The following GRIK3 variants were observed in gnomAD, a reference collection of about 807,000 sequenced individuals.
GRIK3 encodes glutamate ionotropic receptor kainate type subunit 3, also known as glutamate receptor ionotropic, kainate 3.
Under a neutral mutation model 102.5 loss-of-function variants are expected in GRIK3, and 29 were observed. That is an observed-to-expected ratio of 0.28 (90% CI 0.21 to 0.39). The LOEUF is 0.39. GRIK3 is among the 10% of genes least tolerant of loss of function. The pLI is 1.00. For synonymous variants in GRIK3, 511 were observed against 504.9 expected (o/e 1.01, Z -0.16); for missense variants, 908 against 1,252.4 (o/e 0.73, Z 4.15).
intron 3 of GRIK3, among the ~76,000 whole-genome samples, chr1:36,874,649 C>A (rs917473363): frequency 1.3e-5 from 2 of 152,150 alleles, no homozygotes; most frequent in African/African-American, 4.8e-5. Context: ...TATCTGTTAC[C>A]CCGTGAGGTC....
In GRIK3 at chr1:36,904,429, A is replaced by G. The variant is rs1557719974; in HGVS notation, c.116-13333T>C. ...AAGTTCTGCAGTGAACATGTGTTAC[A>G]TTTCTCATCAGAAAAGCCATCGTGA... On this transcript the variant is annotated intron_variant, in intron 1 of 15. Transcript: ENST00000373091. Among the ~76,000 whole-genome samples the G allele has an allele frequency of 2.6e-5, 4 of 152,324 alleles. No individual in the cohort carries two copies. The South Asian group carries it at 6.2e-4, about 24-fold the overall frequency.
In GRIK3 at chr1:36,806,145, C is replaced by T. The variant is rs777494230; in HGVS notation, c.2273G>A (p.Gly758Asp). 24 of 1,613,884 alleles carry T rather than the reference C, an allele frequency of 1.5e-5. No individual in the cohort carries two copies. The highest frequency in any genetic ancestry group is 9.3e-5 in the African/African-American group (7 of 74,898). The change falls in exon 14 of 16, where the codon GGC becomes GAC. Residue 758 changes from glycine (G) to aspartate (D), a missense_variant. This residue lies in a region of GRIK3 where 297 missense variants were observed against 362.7 expected (regional missense o/e 0.82). Transcript: ENST00000373091. The surrounding 1 kb of genome is among the most constrained non-coding windows in gnomAD (Gnocchi z 4.0). ...QRNCNLTQIG[G>D]LIDSKGYGIG... Reference sequence around the variant, plus strand: ...GCCGTAGCCCTTGGAGTCAATGAGGCCCCCGATCTGGGTGAGGTTGCAGTT... The same window carrying T: ...GCCGTAGCCCTTGGAGTCAATGAGGTCCCCGATCTGGGTGAGGTTGCAGTT...
chr1:36,861,390 C>T (rs1640723650), intron 5 of GRIK3, among the ~76,000 whole-genome samples: 1 of 152,208 alleles, frequency 6.6e-6, no homozygotes, highest in Non-Finnish European at 1.5e-5. Context: ...AGCTGCCCTC[C>T]TTCTGGCCCC....
At chr1:36,912,156 G>A (rs1054099666) in intron 1 of GRIK3, among the ~76,000 whole-genome samples, 7 of 152,052 alleles carry the variant, frequency 4.6e-5, no homozygotes, top group African/African-American at 1.7e-4. Context: ...CCTGGGTCAC[G>A]CTTTTCTCTT....
In GRIK3 at chr1:36,796,332, G is replaced by A. The variant is rs998461895; in HGVS notation, c.*5519C>T. 3 of 152,312 alleles carry A rather than the reference G, an allele frequency of 2.0e-5. No homozygotes were observed. Among genetic ancestry groups the A allele is most frequent in the African/African-American group, 7.2e-5 (3 of 41,458 alleles). 9.4% of individuals were successfully genotyped at this position (152,312 alleles called of 1,614,324 possible). A position where few individuals can be genotyped will look rare whatever the true frequency, so the allele number is the denominator to read the frequency against. Reference sequence around the variant, plus strand: ...GGATGCCGCAGGGGAGAGAAAGGCAGACAGATGGAGCCTGGGCTGTGCTAG... The same window carrying A: ...GGATGCCGCAGGGGAGAGAAAGGCAAACAGATGGAGCCTGGGCTGTGCTAG... On this transcript the variant is annotated 3_prime_UTR_variant, in exon 16 of 16. Coordinates refer to ENST00000373091, the MANE Select transcript of GRIK3 (RefSeq NM_000831.4).
At chr1:37,017,369 T>TAAAAAAAAAAAAAAAAAAAAAA (rs774819790) in intron 1 of GRIK3, among the ~76,000 whole-genome samples, 3 of 48,534 alleles carry the variant, frequency 6.2e-5, no homozygotes, top group African/African-American at 2.0e-4. Flanking sequence ...CCCTGTCTCT[T>TAAAAAAAAAAAAAAAAAAAAAA]AAAAAAAAAA....
chr1:37,009,500 C>G (rs756795925), intron 1 of GRIK3, among the ~76,000 whole-genome samples: 1 of 152,168 alleles, frequency 6.6e-6, no homozygotes, highest in Non-Finnish European at 1.5e-5. Context: ...ATATAAATCG[C>G]CTTAGAGGAA....
intron 1 of GRIK3, among the ~76,000 whole-genome samples, chr1:37,003,321 T>C (rs919879723): frequency 6.6e-6 from 1 of 152,218 alleles, no homozygotes; most frequent in Non-Finnish European, 1.5e-5. Flanking sequence ...ATGGAATAGT[T>C]ACTATTTCAT....
At chr1:36,926,685 G>A (rs965423680) in intron 1 of GRIK3, among the ~76,000 whole-genome samples, 10 of 152,138 alleles carry the variant, frequency 6.6e-5, no homozygotes, top group Admixed American at 1.3e-4. Flanking sequence ...CACCGTGCCC[G>A]GCCCTACTCC....
chr1:36,901,063 A>C (rs1300593810), intron 1 of GRIK3, among the ~76,000 whole-genome samples: 1 of 152,216 alleles, frequency 6.6e-6, no homozygotes, highest in African/African-American at 2.4e-5. Context: ...ACAAAGCAGA[A>C]ATCACCAGGC....
intron 1 of GRIK3, among the ~76,000 whole-genome samples, chr1:36,932,372 G>T (rs1641600313): frequency 6.6e-6 from 1 of 152,140 alleles, no homozygotes; most frequent in Non-Finnish European, 1.5e-5. Flanking sequence ...AGTCCACTCT[G>T]GCCCCGTGGG....
At chr1:36,871,713 T>C (rs894084461) in intron 4 of GRIK3, among the ~76,000 whole-genome samples, 4 of 152,154 alleles carry the variant, frequency 2.6e-5, no homozygotes, top group African/African-American at 9.7e-5. Context: ...AGAGCCTTGA[T>C]AAAGCTCCCA....
At chr1:36,858,071 C>T (rs1027906763) in intron 7 of GRIK3, among the ~76,000 whole-genome samples, 4 of 152,196 alleles carry the variant, frequency 2.6e-5, no homozygotes, top group Non-Finnish European at 4.4e-5. Flanking sequence ...CTTTCTATCC[C>T]GAGTCCTTCT....
At chr1:37,011,088 T>A (rs903306283) in intron 1 of GRIK3, among the ~76,000 whole-genome samples, 1 of 152,154 alleles carries the variant, frequency 6.6e-6, no homozygotes, top group Non-Finnish European at 1.5e-5. Flanking sequence ...TCCATGTGCT[T>A]TCCAACTCCA....
At chr1:36,925,227 CAT>C (rs916717525) in intron 1 of GRIK3, among the ~76,000 whole-genome samples, 3 of 152,220 alleles carry the variant, frequency 2.0e-5, no homozygotes, top group African/African-American at 7.2e-5. Context: ...TGAACTCACA[CAT>C]GTGAATATTC....
At chr1:37,011,032 C>T (rs574963998) in intron 1 of GRIK3, among the ~76,000 whole-genome samples, 4 of 152,322 alleles carry the variant, frequency 2.6e-5, no homozygotes, top group East Asian at 3.9e-4. Context: ...TGAGCCACCA[C>T]GCCCGGCCTA....
chr1:36,860,010 T>C lies in GRIK3; in HGVS notation c.794A>G (p.Tyr265Cys). 1.9e-6 allele frequency: 3 copies of C among 1,591,688 alleles called. No homozygotes were observed. Among genetic ancestry groups the C allele is most frequent in the Non-Finnish European group, 2.6e-6 (3 of 1,169,424 alleles). ...GCGGTAGGGCTCCAGGTCTAAAGCG[T>C]AGAGATCCTGGATAGAGAGAGGTCT... ...YHFIFTTLDL[Y>C]ALDLEPYRYS... The change falls in exon 6 of 16, where the codon TAC (tyrosine) becomes TGC (cysteine). Residue 265 changes from tyrosine (Y) to cysteine (C), a missense_variant. Tyr to Cys is a radical substitution (Grantham distance 194, BLOSUM62 -2). Transcript: ENST00000373091.
intron 4 of GRIK3, among the ~76,000 whole-genome samples, chr1:36,870,120 C>T (rs1430363347): frequency 1.3e-5 from 2 of 152,238 alleles, no homozygotes; most frequent in Non-Finnish European, 2.9e-5. Flanking sequence ...TCCCGGCCTG[C>T]CACACTTAGA....
At chr1:36,993,514 C>T (rs183999909) in intron 1 of GRIK3, among the ~76,000 whole-genome samples, 1 of 152,318 alleles carries the variant, frequency 6.6e-6, no homozygotes, top group East Asian at 1.9e-4. Context: ...ATACTCAGTG[C>T]ATAGAGCATT....
Sources: gnomAD v4.1 joint callset for allele counts (sites outside exome capture counted in the v4.1 genomes callset) on GRCh38, gnomAD v4.1.1 for gene constraint, gnomAD v4.1.1 regional missense constraint, Gnocchi (gnomAD v3.1) non-coding constraint, MANE v1.5 for transcripts, NCBI Gene and HGNC (gene_info 2026-07-23, HGNC 2026-07-21) for gene names.